MYO18B: variants seen among roughly 807,000 people sequenced by gnomAD.
The protein encoded by MYO18B is myosin XVIIIB.
Under a neutral mutation model 273.0 loss-of-function variants are expected in MYO18B, and 204 were observed. That is an observed-to-expected ratio of 0.75 (90% CI 0.67 to 0.84). MYO18B has a LOEUF of 0.84. Among genes scored for constraint, MYO18B ranks in the 40% least tolerant of loss-of-function variants. MYO18B has a pLI of 0.00. For synonymous variants in MYO18B, 1,330 were observed against 1,305.7 expected, an observed-to-expected ratio of 1.02 and a Z score of -0.40; for missense variants, 3,212 against 3,287.6, an observed-to-expected ratio of 0.98 and a Z score of 0.56.
At position 25,769,134 on chromosome 22, in the gene MYO18B, T is replaced by G; in HGVS notation, c.1218T>G (p.Gly406=). The change falls in exon 4 of 44, where the codon GGT becomes GGG. Residue 406 remains glycine, a synonymous_variant. Transcript: ENST00000335473. The stretch of plus-strand genomic sequence containing the variant: ...CCCAGGGTAAGTCCGGGAACGCAGG[T>G]GAAGCTCGGAGTCAGACAGAGAAGG... ...GQPQGKSGNA[G]EARSQTEKGC... is the part of the protein sequence containing the mutation. 6.2e-7 allele frequency: 1 copy of G among 1,613,372 alleles called. No homozygotes were observed. The highest frequency in any genetic ancestry group is 8.5e-7 in the Non-Finnish European group (1 of 1,179,688).
intron 37 of MYO18B, among the ~76,000 whole-genome samples, 154 bp downstream of exon 37, chr22:25,950,604 C>T (rs2092781810): frequency 6.6e-6 from 1 of 151,068 alleles, no homozygotes; most frequent in South Asian, 2.1e-4. Flanking sequence ...AAGAGTCTCA[C>T]TCTGTCACCC....
intron 12 of MYO18B, 131 bp from the exon 13 acceptor site, chr22:25,823,374 T>C: frequency 9.9e-7 from 1 of 1,014,250 alleles, no homozygotes; most frequent in Middle Eastern, 3.0e-4. Context: ...TGGGCAGTTG[T>C]CCAAGCTCCC....
intron 37 of MYO18B, among the ~76,000 whole-genome samples, 179 bp downstream of exon 37, chr22:25,950,629 T>A (rs543131885): frequency 6.6e-6 from 1 of 152,178 alleles, no homozygotes; most frequent in African/African-American, 2.4e-5. Flanking sequence ...TGGAGTGAAG[T>A]GGCGCGATCT....
At chr22:26,033,782 CTTTT>C (rs1255472200), downstream of MYO18B, among the ~76,000 whole-genome samples, 1 of 135,844 alleles carries the variant, frequency 7.4e-6, no homozygotes, top group South Asian at 2.2e-4. Flanking sequence ...CTTTTTCTTT[CTTTT>C]TCTGTCTCTC....
chr22:25,928,265 G>A (rs1051886357), intron 34 of MYO18B, among the ~76,000 whole-genome samples: 23 of 151,928 alleles, frequency 1.5e-4, no homozygotes, highest in African/African-American at 4.4e-4. Flanking sequence ...TGGCCAGAAC[G>A]GCTTGTAAAA....
intron 39 of MYO18B, among the ~76,000 whole-genome samples, chr22:25,969,435 C>G (rs1210644586): frequency 6.6e-6 from 1 of 152,208 alleles, no homozygotes; most frequent in African/African-American, 2.4e-5. Flanking sequence ...AACCTATGGT[C>G]AGATCTGGCT....
At chr22:25,762,606 G>A (rs1159640089) in intron 2 of MYO18B, among the ~76,000 whole-genome samples, 1 of 152,264 alleles carries the variant, frequency 6.6e-6, no homozygotes, top group Admixed American at 6.5e-5. Flanking sequence ...CAACCTGCCT[G>A]TTCTAGGACC....
intron 23 of MYO18B, 36 bp downstream of exon 23, chr22:25,874,450 A>G (rs763025294): frequency 6.3e-7 from 1 of 1,593,394 alleles, no homozygotes; most frequent in Non-Finnish European, 8.6e-7. Context: ...GTCTGATCCA[A>G]CGGGTCTGGA....
At chr22:25,953,902 C>G (rs562788738) in intron 38 of MYO18B, among the ~76,000 whole-genome samples, 41 of 152,152 alleles carry the variant, frequency 2.7e-4, no homozygotes, top group Non-Finnish European at 5.3e-4. Flanking sequence ...TTGAGAACTC[C>G]TTCCACTCTT....
chr22:25,768,785 C>T lies in MYO18B; in HGVS notation c.869C>T (p.Thr290Ile). Residue 290 changes from threonine to isoleucine, a missense_variant, in exon 4 of 44, where the codon ACA becomes ATA. Coordinates refer to ENST00000335473, the MANE Select transcript of MYO18B (RefSeq NM_032608.7). ...GCAGAGAAGGAGGGAGCAGAGCCCACAAACACGGTGGAAAAGGGGAATGTC... is the reference window on the plus strand; with the variant it reads ...GCAGAGAAGGAGGGAGCAGAGCCCATAAACACGGTGGAAAAGGGGAATGTC... Reference protein sequence around the residue: ...GKAEKEGAEPTNTVEKGNVSK... With the variant: ...GKAEKEGAEPINTVEKGNVSK... 1 of 1,609,364 alleles carries T rather than the reference C, an allele frequency of 6.2e-7. No homozygotes were observed. The highest frequency in any genetic ancestry group is 8.5e-7 in the Non-Finnish European group (1 of 1,177,738).
intron 18 of MYO18B, 135 bp from the exon 19 acceptor site, chr22:25,845,965 C>A: frequency 1.4e-6 from 1 of 733,596 alleles, no homozygotes. Flanking sequence ...GCAGCTGGGA[C>A]ACATGACTGT....
chr22:26,015,670 G>T (rs1935264875), intron 42 of MYO18B, among the ~76,000 whole-genome samples: 1 of 152,118 alleles, frequency 6.6e-6, no homozygotes. Flanking sequence ...GGTGGGAGGA[G>T]GGAGAGGATC....
chr22:25,818,892 A>G (rs1250674633), intron 12 of MYO18B, among the ~76,000 whole-genome samples: 2 of 152,058 alleles, frequency 1.3e-5, no homozygotes, highest in African/African-American at 4.8e-5. Context: ...CGTTTCACAG[A>G]CAAACTGAGT....
chr22:25,927,644 T>C (rs2092440051), intron 34 of MYO18B, among the ~76,000 whole-genome samples: 1 of 152,226 alleles, frequency 6.6e-6, no homozygotes, highest in Non-Finnish European at 1.5e-5. Flanking sequence ...ACTTGACATC[T>C]GTGACCCACA....
At chr22:25,955,091 C>T (rs2092833419) in intron 38 of MYO18B, 88 bp from the exon 39 acceptor site, 5 of 1,344,316 alleles carry the variant, frequency 3.7e-6, no homozygotes, top group South Asian at 1.6e-5. Flanking sequence ...ACAGGAAACT[C>T]GGCAAAGGAT....
intron 13 of MYO18B, among the ~76,000 whole-genome samples, chr22:25,824,836 AC>A (rs2089428592): frequency 7.0e-6 from 1 of 142,526 alleles, no homozygotes; most frequent in Non-Finnish European, 1.6e-5. Context: ...TGGTGTGCAC[AC>A]CATGTGTGCA....
chr22:25,754,100 A>G (rs2086031755), intron 1 of MYO18B, among the ~76,000 whole-genome samples: 1 of 152,208 alleles, frequency 6.6e-6, no homozygotes, highest in African/African-American at 2.4e-5. Flanking sequence ...GTAAGTGAAG[A>G]GAACGCGTTG....
At chr22:25,785,285 G>GT in intron 10 of MYO18B, 143 bp from the exon 11 acceptor site, 1 of 673,652 alleles carries the variant, frequency 1.5e-6, no homozygotes, top group Non-Finnish European at 2.6e-6. Context: ...CCAGGGCAGA[G>GT]TTAGTGGGGC....
chr22:25,769,077 G>A lies in MYO18B; in HGVS notation c.1161G>A (p.Glu387=), dbSNP rs2086619478. ...ELRSTTGKAG[E]SWDKKEKMGQ... is the part of the protein sequence containing the mutation. Reference sequence around the variant, plus strand: ...GGAGCACGACTGGGAAGGCAGGTGAGTCCTGGGATAAGAAGGAAAAGATGG... The same window carrying A: ...GGAGCACGACTGGGAAGGCAGGTGAATCCTGGGATAAGAAGGAAAAGATGG... The change falls in exon 4 of 44, where the codon GAG becomes GAA. Residue 387 remains glutamate, a synonymous_variant. Transcript: ENST00000335473. 1.9e-6 allele frequency: 3 copies of A among 1,613,162 alleles called. No homozygotes were observed. The highest frequency in any genetic ancestry group is 2.5e-6 in the Non-Finnish European group (3 of 1,179,494).
Sources: gnomAD v4.1 joint callset for allele counts (sites outside exome capture counted in the v4.1 genomes callset) on GRCh38, gnomAD v4.1.1 for gene constraint, MANE v1.5 for transcripts, NCBI Gene and HGNC (gene_info 2026-07-23, HGNC 2026-07-21) for gene names.